DBT: variants seen among roughly 807,000 people sequenced by gnomAD.
The protein encoded by DBT is dihydrolipoamide branched chain transacylase E2.
In DBT, 40 loss-of-function variants were observed where a neutral mutation model predicts 51.3. The ratio of observed to expected loss-of-function variants is 0.78; its 90% CI spans 0.61 to 1.02. The LOEUF (loss-of-function observed/expected upper bound fraction) is 1.02. DBT is among the 50% of genes least tolerant of loss of function. DBT has a pLI of 0.00. For missense variants in DBT, 510 were observed against 580.2 expected (o/e 0.88, Z 1.24); for synonymous variants, 181 against 190.4 (o/e 0.95, Z 0.41).
intron 7 of DBT, chr1:100,213,403 C>A (rs926460517): frequency 3.0e-5 from 47 of 1,571,312 alleles, no homozygotes; most frequent in Non-Finnish European, 4.0e-5. Context: ...CCGCCGCGCC[C>A]CCGCAGCCGC....
At chr1:100,196,669 T>A in intron 10 of DBT, 2 of 527,122 alleles carry the variant, frequency 3.8e-6, no homozygotes, top group Non-Finnish European at 6.6e-6. Context: ...ACAATTCCCA[T>A]ACCTACATTC....
chr1:100,225,042 A>ATATATATGT (rs1334781885), intron 4 of DBT, among the ~76,000 whole-genome samples: 1 of 45,624 alleles, frequency 2.2e-5, no homozygotes, highest in African/African-American at 6.7e-5. Context: ...AAAAAAAAAA[A>ATATATATGT]ATATATATAT....
rs573670018 is a variant in DBT, at chr1:100,189,816, A to G, written c.*6439T>C. On this transcript the variant is annotated 3_prime_UTR_variant, in exon 11 of 11. Coordinates refer to ENST00000370132, the MANE Select transcript of DBT (RefSeq NM_001918.5). ...TTCGTTTGTTTTAGGGACTATTTAA[A>G]AAATAAGAACATTTGTGTCTTATTA... 6.6e-6 allele frequency: 1 copy of G among 152,338 alleles called. No homozygotes were observed. Among genetic ancestry groups the G allele is most frequent in the African/African-American group, 2.4e-5 (1 of 41,570 alleles). 9.4% of individuals were successfully genotyped at this position (152,338 alleles called of 1,614,324 possible).
In DBT at chr1:100,210,765, A is replaced by C; in HGVS notation, c.946T>G (p.Ser316Ala). Residue 316 changes from serine to alanine, a missense_variant, in exon 8 of 11, where the codon TCC becomes GCC. Physicochemically the swap from Ser to Ala is moderately conservative, Grantham distance 99. Coordinates refer to ENST00000370132, the MANE Select transcript of DBT (RefSeq NM_001918.5). Reference protein sequence around the residue: ...SFMPFFLKAASLGLLQFPILN... With the variant: ...SFMPFFLKAAALGLLQFPILN... ...ATAGGAAACTGTAGTAATCCCAAGG[A>C]AGCAGCCTGTTTAACAGAAAAAGAA... The C allele has an allele frequency of 6.2e-7, 1 of 1,613,680 alleles. No individual in the cohort carries two copies. The highest frequency in any genetic ancestry group is 8.5e-7 in the Non-Finnish European group (1 of 1,179,638).
Position 100,191,749 on chromosome 1 carries a change from T to TACACACACACACAC in DBT, c.*4492_*4505dup, listed in dbSNP as rs1161001732. Reference sequence around the variant, plus strand: ...GTGTGTATATATATGTGTGTGTGTATACACACACACACACACACACACACA... The same window carrying TACACACACACACAC: ...GTGTGTATATATATGTGTGTGTGTATACACACACACACACACACACACACACACACACACACACA... On this transcript the variant is annotated 3_prime_UTR_variant, in exon 11 of 11. Coordinates refer to ENST00000370132, the MANE Select transcript of DBT (RefSeq NM_001918.5). The TACACACACACACAC allele has an allele frequency of 4.1e-5, 2 of 48,950 alleles. No homozygotes were observed. Among genetic ancestry groups the TACACACACACACAC allele is most frequent in the African/African-American group, 8.0e-5 (2 of 24,914 alleles). The allele number at this position is 48,950 out of a possible 1,614,324, so 3.0% of individuals were successfully genotyped here. A position where few individuals can be genotyped will look rare whatever the true frequency, so the allele number is the denominator to read the frequency against.
At chr1:100,200,587 T>C (rs1661378930) in intron 10 of DBT, among the ~76,000 whole-genome samples, 1 of 152,204 alleles carries the variant, frequency 6.6e-6, no homozygotes. Flanking sequence ...CAAGTGGGTC[T>C]CTGACCCCCA....
chr1:100,197,814 G>C (rs1019720163), intron 10 of DBT, among the ~76,000 whole-genome samples: 27 of 152,136 alleles, frequency 1.8e-4, no homozygotes, highest in African/African-American at 5.8e-4. Flanking sequence ...GAGTAACATG[G>C]AAGACTTAAT....
At chr1:100,231,819 T>C (rs1227487132) in intron 3 of DBT, among the ~76,000 whole-genome samples, 4 of 152,348 alleles carry the variant, frequency 2.6e-5, no homozygotes, top group Middle Eastern at 3.4e-3. Flanking sequence ...CTGAGAAGGA[T>C]GTATTCAGGA....
Position 100,235,490 on chromosome 1 carries a change from T to C in DBT, c.197A>G (p.Gln66Arg). The C allele has an allele frequency of 1.3e-6, 2 of 1,591,648 alleles. No individual in the cohort carries two copies. The highest frequency in any genetic ancestry group is 1.7e-6 in the Non-Finnish European group (2 of 1,160,778). Residue 66 changes from glutamine to arginine, a missense_variant, in exon 3 of 11, where the codon CAG becomes CGG. Coordinates refer to ENST00000370132, the MANE Select transcript of DBT (RefSeq NM_001918.5). ...TTCTCCAATGTCTGAGAGCTTGAAC[T>C]GAACAACCTGTCCACGGAGAGCTTC... Reference protein sequence around the residue: ...TTAALRGQVVQFKLSDIGEGI... With the variant: ...TTAALRGQVVRFKLSDIGEGI...
At chr1:100,213,212 G>C (rs1424139344) in intron 7 of DBT, 1 of 648,098 alleles carries the variant, frequency 1.5e-6, no homozygotes. Flanking sequence ...GCCCTGCCCC[G>C]CGTCTGCCTC....
chr1:100,218,847 T>G, intron 4 of DBT, 100 bp from the exon 5 acceptor site: 1 of 868,604 alleles, frequency 1.2e-6, no homozygotes, highest in Admixed American at 2.3e-5. Context: ...AATATCTAAA[T>G]AAATTAAAGT....
At position 100,235,481 on chromosome 1, in the gene DBT, A is replaced by G. The variant is rs1663813561; in HGVS notation, c.206T>C (p.Leu69Pro). The G allele has an allele frequency of 1.3e-6, 2 of 1,597,738 alleles. No homozygotes were observed. Among genetic ancestry groups the G allele is most frequent in the Non-Finnish European group, 1.7e-6 (2 of 1,166,460 alleles). Reference sequence around the variant, plus strand: ...TCTAATCCCTTCTCCAATGTCTGAGAGCTTGAACTGAACAACCTGTCCACG... The same window carrying G: ...TCTAATCCCTTCTCCAATGTCTGAGGGCTTGAACTGAACAACCTGTCCACG... Reference protein sequence around the residue: ...ALRGQVVQFKLSDIGEGIREV... With the variant: ...ALRGQVVQFKPSDIGEGIREV... The change falls in exon 3 of 11, where the codon CTC (leucine) becomes CCC (proline). Residue 69 changes from leucine (L) to proline (P), a missense_variant. Physicochemically the swap from Leu to Pro is moderately conservative, Grantham distance 98. Transcript: ENST00000370132.
chr1:100,237,050 T>C (rs1163697772), intron 2 of DBT, among the ~76,000 whole-genome samples: 2 of 152,228 alleles, frequency 1.3e-5, no homozygotes, highest in Admixed American at 6.5e-5. Context: ...AGTTCTTAAA[T>C]CTGTGCTGGG....
At chr1:100,206,380 T>C in intron 9 of DBT, 65 bp downstream of exon 9, 1 of 1,561,018 alleles carries the variant, frequency 6.4e-7, no homozygotes, top group Non-Finnish European at 8.8e-7. Flanking sequence ...ACTTTTCTAT[T>C]TTTAATTAAG....
intron 10 of DBT, 21 bp from the exon 11 acceptor site, chr1:100,196,443 A>C: frequency 6.8e-7 from 1 of 1,469,092 alleles, no homozygotes; most frequent in Non-Finnish European, 9.3e-7. Context: ...AAAAAAAAAA[A>C]AAAAAAAAAA....
chr1:100,221,765 A>G (rs957126366), intron 4 of DBT, among the ~76,000 whole-genome samples: 2 of 152,212 alleles, frequency 1.3e-5, no homozygotes, highest in African/African-American at 4.8e-5. Flanking sequence ...ATCTCGTGTT[A>G]AGGTAATTCC....
chr1:100,218,759 G>A lies in DBT; in HGVS notation c.434-12C>T. 6.2e-7 allele frequency: 1 copy of A among 1,612,198 alleles called. No homozygotes were observed. The highest frequency in any genetic ancestry group is 8.5e-7 in the Non-Finnish European group (1 of 1,179,024). Reference sequence around the variant, plus strand: ...ATCTTCTTCTGAATCTGGTAACAAGGTAAAACTTAACTTCAGTTGAAAAAA... The same window carrying A: ...ATCTTCTTCTGAATCTGGTAACAAGATAAAACTTAACTTCAGTTGAAAAAA... On this transcript the variant is annotated splice_polypyrimidine_tract_variant and intron_variant, in intron 4 of 10. Coordinates refer to ENST00000370132, the MANE Select transcript of DBT (RefSeq NM_001918.5).
intron 1 of DBT, among the ~76,000 whole-genome samples, chr1:100,241,732 C>A (rs1212405468): frequency 6.6e-6 from 1 of 152,076 alleles, no homozygotes; most frequent in Non-Finnish European, 1.5e-5. Context: ...ATTTCAATGC[C>A]ATTAGGCCAG....
chr1:100,205,344 A>C (rs368247205), intron 10 of DBT, among the ~76,000 whole-genome samples: 1 of 152,224 alleles, frequency 6.6e-6, no homozygotes, highest in Admixed American at 6.5e-5. Context: ...GCCAACAAAC[A>C]TATGAAAAAA....
Sources: allele counts gnomAD v4.1 joint callset (sites outside exome capture counted in the v4.1 genomes callset), GRCh38; gene constraint gnomAD v4.1.1; transcripts MANE v1.5; gene names NCBI Gene and HGNC (gene_info 2026-07-23, HGNC 2026-07-21).